The following SRGAP2C variants were observed in gnomAD, a reference collection of about 807,000 sequenced individuals.
SRGAP2C encodes the protein SLIT-ROBO Rho GTPase-activating protein 2C.
Under a neutral mutation model 25.1 loss-of-function variants are expected in SRGAP2C, and 15 were observed. The ratio of observed to expected loss-of-function variants is 0.60; its 90% CI spans 0.40 to 0.92. SRGAP2C has a LOEUF of 0.92. Among genes scored for constraint, SRGAP2C ranks in the 40% least tolerant of loss-of-function variants. The pLI is 0.00. For missense variants in SRGAP2C, 144 were observed against 264.4 expected (o/e 0.54, Z 3.16); for synonymous variants, 44 against 96.6 (o/e 0.46, Z 3.19).
intron 4 of SRGAP2C, among the ~76,000 whole-genome samples, chr1:121,359,555 G>C (rs2101643436): frequency 6.6e-6 from 1 of 152,258 alleles, no homozygotes; most frequent in African/African-American, 2.4e-5. Flanking sequence ...ATTGTTTGAA[G>C]CCAGGAGTTT....
intron 2 of SRGAP2C, among the ~76,000 whole-genome samples, chr1:121,198,303 T>C (rs1272368809): frequency 6.6e-6 from 1 of 151,420 alleles, no homozygotes; most frequent in Non-Finnish European, 1.5e-5. Context: ...TGTTTGTTTG[T>C]TTGTTTTTCT....
intron 3 of SRGAP2C, among the ~76,000 whole-genome samples, chr1:121,321,974 T>G (rs1393341176): frequency 6.6e-6 from 1 of 150,976 alleles, no homozygotes; most frequent in East Asian, 2.0e-4. Flanking sequence ...AGGTCTTTCT[T>G]TGTCTCCCTT....
chr1:121,357,527 G>A (rs1479177206), intron 4 of SRGAP2C, among the ~76,000 whole-genome samples: 6 of 152,018 alleles, frequency 3.9e-5, no homozygotes, highest in African/African-American at 7.3e-5. Flanking sequence ...TGTTTTGGGA[G>A]TTTTGTTTTT....
chr1:121,195,115 T>C (rs1271043651), intron 2 of SRGAP2C, among the ~76,000 whole-genome samples: 1 of 150,716 alleles, frequency 6.6e-6, no homozygotes, highest in Admixed American at 6.6e-5. Flanking sequence ...TCTGTTTCCA[T>C]ATAGAGTTGG....
rs111688034 is a variant in SRGAP2C at position 121,271,102 on chromosome 1, GT to G, written c.68-13690del. ...GTGAGCCACCGCGCCCAGCTGGACT[GT>G]TTTTTTTTTTGGTGTTTTGTTTTGT... On this transcript the variant is annotated intron_variant, in intron 2 of 9. Coordinates refer to ENST00000367123, the MANE Select transcript of SRGAP2C (RefSeq NM_001329984.2). Among the ~76,000 whole-genome samples the G allele has an allele frequency of 9.2e-3, 1,345 of 146,608 alleles. 23 individuals carry two copies. The highest frequency in any genetic ancestry group is 0.027 in the South Asian group (126 of 4,642).
chr1:121,230,847 A>C (rs1251820945), intron 2 of SRGAP2C, among the ~76,000 whole-genome samples: 1 of 152,128 alleles, frequency 6.6e-6, no homozygotes, highest in Non-Finnish European at 1.5e-5. Flanking sequence ...ATGGAATACT[A>C]TGCAGCCATA....
chr1:121,334,805 T>A (rs1271161847), intron 4 of SRGAP2C, among the ~76,000 whole-genome samples: 1 of 145,272 alleles, frequency 6.9e-6, no homozygotes, highest in African/African-American at 2.6e-5. Flanking sequence ...GTAGGAAAAA[T>A]ATCAAATTTT....
chr1:121,228,648 A>C (rs1357145075), intron 2 of SRGAP2C, among the ~76,000 whole-genome samples: 1 of 151,640 alleles, frequency 6.6e-6, no homozygotes, highest in Admixed American at 6.6e-5. Flanking sequence ...CTACTACTTC[A>C]TACCTTGAAC....
At chr1:121,195,318 G>A (rs1482290289) in intron 2 of SRGAP2C, among the ~76,000 whole-genome samples, 1 of 151,608 alleles carries the variant, frequency 6.6e-6, no homozygotes, top group Non-Finnish European at 1.5e-5. Flanking sequence ...GCTGAGGGAG[G>A]AGAATCGCTT....
At chr1:121,363,158 C>T (rs1238230077) in intron 4 of SRGAP2C, among the ~76,000 whole-genome samples, 1 of 150,110 alleles carries the variant, frequency 6.7e-6, no homozygotes, top group Non-Finnish European at 1.5e-5. Flanking sequence ...AGAGGTTAAC[C>T]AGGTTGTCCA....
Position 121,317,955 on chromosome 1 carries a change from G to A in SRGAP2C, c.261-6523G>A, listed in dbSNP as rs1254779030. Among the ~76,000 whole-genome samples, 2 of 79,056 alleles carry A rather than the reference G, an allele frequency of 2.5e-5. 1 individual carries two copies. Among genetic ancestry groups the A allele is most frequent in the Non-Finnish European group, 5.1e-5 (2 of 39,148 alleles). The allele number at this position is 79,056 out of a possible 152,430, so 51.9% of individuals were successfully genotyped here. ...TGTAGACTATATTATTTTTGCCTTT[G>A]GCACTTTTCTCTGTCTCTGAACTCT... On this transcript the variant is annotated intron_variant, in intron 3 of 9. Coordinates refer to ENST00000367123, the MANE Select transcript of SRGAP2C (RefSeq NM_001329984.2).
chr1:121,208,753 A>G (rs1655178695), intron 2 of SRGAP2C, among the ~76,000 whole-genome samples: 2 of 152,060 alleles, frequency 1.3e-5, no homozygotes, highest in African/African-American at 4.8e-5. Context: ...AGTGCTTAGC[A>G]TATAATAAAT....
chr1:121,218,770 G>A (rs1655459758), intron 2 of SRGAP2C, among the ~76,000 whole-genome samples: 1 of 151,996 alleles, frequency 6.6e-6, no homozygotes, highest in African/African-American at 2.4e-5. Context: ...AAAAGTGAAT[G>A]TACACGTATT....
chr1:121,295,731 G>A (rs1299917403), intron 3 of SRGAP2C, among the ~76,000 whole-genome samples: 4 of 149,078 alleles, frequency 2.7e-5, no homozygotes, highest in African/African-American at 5.1e-5. Context: ...GGGCTTTTTT[G>A]TTTTTGTTGT....
At chr1:121,210,320 A>C (rs1655219954) in intron 2 of SRGAP2C, among the ~76,000 whole-genome samples, 1 of 145,048 alleles carries the variant, frequency 6.9e-6, no homozygotes, top group South Asian at 2.2e-4. Flanking sequence ...AGCGCTTTAA[A>C]AAAAAAAAAA....
intron 2 of SRGAP2C, among the ~76,000 whole-genome samples, chr1:121,201,008 A>T: frequency 1.4e-5 from 2 of 144,680 alleles, no homozygotes; most frequent in African/African-American, 2.6e-5. Context: ...CCCCTCTTCT[A>T]CTTCTGGTTT....
At chr1:121,337,460 T>C (rs1299077695) in intron 4 of SRGAP2C, among the ~76,000 whole-genome samples, 2 of 142,866 alleles carry the variant, frequency 1.4e-5, no homozygotes, top group African/African-American at 2.6e-5. Flanking sequence ...GCTGAAACCC[T>C]GTCTCTACTA....
At chr1:121,272,514 T>C (rs1656998787) in intron 2 of SRGAP2C, among the ~76,000 whole-genome samples, 7 of 151,824 alleles carry the variant, frequency 4.6e-5, no homozygotes, top group Admixed American at 4.0e-4. Context: ...TTCCCCCTCT[T>C]TCCCAACACA....
At chr1:121,292,170 G>A (rs1553337716) in intron 3 of SRGAP2C, among the ~76,000 whole-genome samples, 22 of 152,064 alleles carry the variant, frequency 1.4e-4, no homozygotes, top group African/African-American at 5.3e-4. Flanking sequence ...CAAGTTCAGT[G>A]AATACCTAAA....
Sources: gnomAD v4.1 joint callset for allele counts (sites outside exome capture counted in the v4.1 genomes callset) on GRCh38, gnomAD v4.1.1 for gene constraint, MANE v1.5 for transcripts, NCBI Gene and HGNC (gene_info 2026-07-23, HGNC 2026-07-21) for gene names.